GRIK1: variants seen among roughly 807,000 people sequenced by gnomAD.
GRIK1 encodes the protein glutamate receptor ionotropic, kainate 1.
A neutral mutation model predicts 105.7 loss-of-function variants in GRIK1; 69 were observed. The ratio of observed to expected loss-of-function variants is 0.65; its 90% CI spans 0.54 to 0.80. The LOEUF (loss-of-function observed/expected upper bound fraction) is 0.80. GRIK1 is among the 30% of genes least tolerant of loss of function. The pLI, the probability that GRIK1 is intolerant of heterozygous loss-of-function variation, is 0.00. For synonymous variants in GRIK1, 438 were observed against 431.3 expected, an observed-to-expected ratio of 1.02 and a Z score of -0.19; for missense variants, 1,109 against 1,167.3, an observed-to-expected ratio of 0.95 and a Z score of 0.73.
At chr21:29,751,520 G>A (rs1601600125) in intron 1 of GRIK1, among the ~76,000 whole-genome samples, 1 of 152,136 alleles carries the variant, frequency 6.6e-6, no homozygotes, top group Non-Finnish European at 1.5e-5. Flanking sequence ...TATTTCTGTG[G>A]ATGGGAATGG....
At chr21:29,657,113 C>T (rs984955980) in intron 4 of GRIK1, among the ~76,000 whole-genome samples, 2 of 152,116 alleles carry the variant, frequency 1.3e-5, no homozygotes, top group Admixed American at 1.3e-4. Context: ...TCCTATTTTT[C>T]ACTTTGGTCA....
At chr21:29,915,569 T>C (rs1276138100) in intron 1 of GRIK1, among the ~76,000 whole-genome samples, 1 of 152,044 alleles carries the variant, frequency 6.6e-6, no homozygotes, top group Admixed American at 6.6e-5. Context: ...ATGGCTGGTT[T>C]GGTGTGTGAG....
intron 1 of GRIK1, among the ~76,000 whole-genome samples, chr21:29,796,053 C>T (rs193100236): frequency 1.9e-3 from 294 of 152,226 alleles, no homozygotes; most frequent in Non-Finnish European, 3.0e-3. Context: ...TTAGCTTTGT[C>T]TCTTGAAATA....
intron 7 of GRIK1, among the ~76,000 whole-genome samples, chr21:29,609,743 G>A (rs916209981): frequency 2.8e-4 from 43 of 152,030 alleles, no homozygotes; most frequent in African/African-American, 1.0e-3. Flanking sequence ...TTAGATCTTC[G>A]GACTCAGACT....
intron 7 of GRIK1, among the ~76,000 whole-genome samples, chr21:29,631,873 G>C (rs1168983768): frequency 6.6e-6 from 1 of 151,798 alleles, no homozygotes; most frequent in African/African-American, 2.4e-5. Context: ...CTTTTTATTG[G>C]ACAATGCAAC....
chr21:29,771,807 C>T (rs2065820326), intron 1 of GRIK1, among the ~76,000 whole-genome samples: 1 of 152,194 alleles, frequency 6.6e-6, no homozygotes, highest in Non-Finnish European at 1.5e-5. Context: ...GCTGTATTGC[C>T]AGCTGGCAAA....
chr21:29,837,081 T>C (rs894024213), intron 1 of GRIK1, among the ~76,000 whole-genome samples: 15 of 152,226 alleles, frequency 9.9e-5, no homozygotes, highest in African/African-American at 3.1e-4. Flanking sequence ...TGCTAGTTCA[T>C]ACCCTTTTCA....
intron 7 of GRIK1, among the ~76,000 whole-genome samples, chr21:29,620,802 T>TATATATAGATAG (rs1276169939): frequency 5.5e-5 from 7 of 127,424 alleles, no homozygotes; most frequent in African/African-American, 2.3e-4. Context: ...TCTATATATA[T>TATATATAGATAG]ATAGATATAT....
chr21:29,614,239 C>A (rs964128741), intron 7 of GRIK1, among the ~76,000 whole-genome samples: 13 of 152,250 alleles, frequency 8.5e-5, no homozygotes, highest in African/African-American at 2.6e-4. Context: ...GGACCTCCTG[C>A]ATCCCGTCAG....
intron 4 of GRIK1, among the ~76,000 whole-genome samples, chr21:29,666,318 G>T (rs891475516): frequency 6.6e-6 from 1 of 152,092 alleles, no homozygotes; most frequent in Non-Finnish European, 1.5e-5. Flanking sequence ...CAGGAGAATC[G>T]CTTGAACCTG....
chr21:29,644,150 G>C (rs2062570366), intron 6 of GRIK1, among the ~76,000 whole-genome samples: 1 of 151,912 alleles, frequency 6.6e-6, no homozygotes, highest in Non-Finnish European at 1.5e-5. Flanking sequence ...CTCATGTCTT[G>C]GTGGAGGTAG....
At chr21:29,819,085 G>T (rs2067230186) in intron 1 of GRIK1, among the ~76,000 whole-genome samples, 2 of 152,076 alleles carry the variant, frequency 1.3e-5, no homozygotes, top group Admixed American at 6.6e-5. Context: ...GTACATATTT[G>T]CAGGATTTAT....
chr21:29,626,146 A>G (rs1170772459), intron 7 of GRIK1, among the ~76,000 whole-genome samples: 4 of 152,188 alleles, frequency 2.6e-5, no homozygotes, highest in Non-Finnish European at 5.9e-5. Context: ...TGGGAGGTCT[A>G]ACATTAAGGT....
chr21:29,695,468 C>A (rs572708125), intron 1 of GRIK1, among the ~76,000 whole-genome samples: 5,465 of 144,246 alleles, frequency 0.038, 155 homozygotes, highest in Non-Finnish European at 0.06. Context: ...ATCTATCTAT[C>A]TATCTATCTA....
chr21:29,591,661 C>G (rs2061335947), intron 9 of GRIK1, among the ~76,000 whole-genome samples: 2 of 152,012 alleles, frequency 1.3e-5, no homozygotes, highest in South Asian at 4.2e-4. Flanking sequence ...CTGATAGAAA[C>G]CTTAGGCTGC....
chr21:29,669,375 G>A (rs1292279692), intron 4 of GRIK1, among the ~76,000 whole-genome samples: 3 of 152,198 alleles, frequency 2.0e-5, no homozygotes, highest in Non-Finnish European at 4.4e-5. Context: ...ACATTGACCT[G>A]GCAGAGAAAT....
chr21:29,839,951 C>A (rs771231054), intron 1 of GRIK1, among the ~76,000 whole-genome samples: 2 of 152,072 alleles, frequency 1.3e-5, no homozygotes, highest in Non-Finnish European at 2.9e-5. Context: ...GCTTGAATGA[C>A]GGCAAATTGG....
chr21:29,685,185 T>C (rs1406272952), intron 3 of GRIK1, among the ~76,000 whole-genome samples: 3 of 152,200 alleles, frequency 2.0e-5, no homozygotes, highest in African/African-American at 7.2e-5. Flanking sequence ...AAAAACTATA[T>C]AAAAATAAAA....
chr21:29,746,045 A>G (rs1360394437), intron 1 of GRIK1, among the ~76,000 whole-genome samples: 2 of 152,194 alleles, frequency 1.3e-5, no homozygotes, highest in Non-Finnish European at 2.9e-5. Flanking sequence ...CAGAGCTTGC[A>G]GTGAGCCAAG....
Sources: gnomAD v4.1 joint callset for allele counts (sites outside exome capture counted in the v4.1 genomes callset) on GRCh38, gnomAD v4.1.1 for gene constraint, MANE v1.5 for transcripts, NCBI Gene and HGNC (gene_info 2026-07-23, HGNC 2026-07-21) for gene names.